CHODL: variants seen among roughly 807,000 people sequenced by gnomAD.
CHODL encodes the protein transmembrane protein MT75.
In CHODL, 29 loss-of-function variants were observed where a neutral mutation model predicts 34.5. The ratio of observed to expected loss-of-function variants is 0.84; its 90% confidence interval spans 0.63 to 1.15. The LOEUF is 1.15. Ranked by LOEUF, CHODL falls within the 50% of genes most tolerant of loss-of-function variation. The pLI is 0.00. For missense variants in CHODL, 332 were observed against 332.5 expected (o/e 1.00, Z 0.01); for synonymous variants, 125 against 116.1 (o/e 1.08, Z -0.49).
chr21:18,045,306 G>GA (rs1225544363), intron 2 of CHODL, among the ~76,000 whole-genome samples: 2 of 151,868 alleles, frequency 1.3e-5, no homozygotes, highest in Non-Finnish European at 2.9e-5. Flanking sequence ...AGCTTATTTG[G>GA]AAAAAATTAC....
intron 2 of CHODL, among the ~76,000 whole-genome samples, chr21:18,074,190 T>C (rs990936734): frequency 6.6e-6 from 1 of 152,164 alleles, no homozygotes; most frequent in African/African-American, 2.4e-5. Context: ...GGAAAAGATC[T>C]CATTTTGCCT....
At chr21:18,126,999 A>C (rs906408330) in intron 2 of CHODL, among the ~76,000 whole-genome samples, 2 of 152,208 alleles carry the variant, frequency 1.3e-5, no homozygotes, top group African/African-American at 4.8e-5. Flanking sequence ...CTTCTACTCC[A>C]ATAGACTTCT....
At chr21:17,940,597 T>G (rs1380000738) in intron 1 of CHODL, among the ~76,000 whole-genome samples, 6 of 152,212 alleles carry the variant, frequency 3.9e-5, no homozygotes, top group Non-Finnish European at 8.8e-5. Context: ...TAATAGCTTT[T>G]CTTGACCTGG....
rs77693383 is a variant in CHODL at position 18,126,051 on chromosome 21, A to G, written c.-45+98080A>G. On this transcript the variant is annotated intron_variant, in intron 2 of 6. Coordinates refer to the CHODL transcript ENST00000400127. ...AATGCAACAGTCTATAGTCCCAGCTATGCAGGAGGCTAAGGCAGAAAGATC... is the reference window on the plus strand; with the variant it reads ...AATGCAACAGTCTATAGTCCCAGCTGTGCAGGAGGCTAAGGCAGAAAGATC... 4.9e-3 allele frequency among the ~76,000 whole-genome samples: 745 copies of G among 152,342 alleles called. 1 individual carries two copies. Among genetic ancestry groups the G allele is most frequent in the African/African-American group, 0.016 (662 of 41,576 alleles).
intron 2 of CHODL, among the ~76,000 whole-genome samples, chr21:18,175,580 G>A (rs1357848485): frequency 2.6e-5 from 4 of 151,004 alleles, no homozygotes; most frequent in South Asian, 2.1e-4. Context: ...GCGACAGTGC[G>A]AGACTGTCTG....
chr21:18,250,020 T>C (rs1033796751), intron 1 of CHODL, among the ~76,000 whole-genome samples: 1 of 152,136 alleles, frequency 6.6e-6, no homozygotes, highest in Non-Finnish European at 1.5e-5. Flanking sequence ...AGGTCGTCTT[T>C]TCCCAATTTA....
chr21:17,920,983 T>A (rs1486894908), intron 1 of CHODL, among the ~76,000 whole-genome samples: 1 of 152,108 alleles, frequency 6.6e-6, no homozygotes, highest in Non-Finnish European at 1.5e-5. Context: ...ATTTCCAAGC[T>A]CCCTTGCAGT....
At chr21:18,032,875 T>C (rs2064264155) in intron 2 of CHODL, among the ~76,000 whole-genome samples, 6 of 152,024 alleles carry the variant, frequency 3.9e-5, no homozygotes, top group Admixed American at 3.9e-4. Context: ...TTGCATGGCA[T>C]TCATTCACTT....
chr21:18,175,258 G>A (rs1027920947), intron 2 of CHODL, among the ~76,000 whole-genome samples: 2 of 152,052 alleles, frequency 1.3e-5, no homozygotes, highest in African/African-American at 4.8e-5. Flanking sequence ...GTGTCTTTTT[G>A]TCTTTTTCAT....
intron 1 of CHODL, among the ~76,000 whole-genome samples, chr21:18,012,631 C>A (rs2064029956): frequency 6.6e-6 from 1 of 152,132 alleles, no homozygotes; most frequent in Non-Finnish European, 1.5e-5. Context: ...AAACAGAGTT[C>A]TATTAAGTTT....
intron 2 of CHODL, among the ~76,000 whole-genome samples, chr21:18,145,688 A>G (rs1472879010): frequency 1.3e-5 from 2 of 152,226 alleles, no homozygotes; most frequent in African/African-American, 2.4e-5. Context: ...CTAAGACTTC[A>G]TAAAGAATCT....
intron 2 of CHODL, among the ~76,000 whole-genome samples, chr21:18,238,509 C>A (rs1366980872): frequency 1.3e-5 from 2 of 152,070 alleles, no homozygotes; most frequent in African/African-American, 4.8e-5. Flanking sequence ...CAGTGGGTCC[C>A]TCCCACAACA....
chr21:18,210,889 A>G (rs1462107275), intron 2 of CHODL, among the ~76,000 whole-genome samples: 1 of 152,172 alleles, frequency 6.6e-6, no homozygotes, highest in African/African-American at 2.4e-5. Context: ...CATTCAGAAT[A>G]AAAGTTAAAG....
chr21:18,231,411 C>T (rs1173074923), intron 2 of CHODL, among the ~76,000 whole-genome samples: 1 of 152,064 alleles, frequency 6.6e-6, no homozygotes, highest in Admixed American at 6.6e-5. Context: ...CACAGCAGTG[C>T]TTCCATCTGA....
chr21:18,145,349 A>G (rs529578400), intron 2 of CHODL, among the ~76,000 whole-genome samples: 1 of 142,304 alleles, frequency 7.0e-6, no homozygotes, highest in East Asian at 2.3e-4. Flanking sequence ...AGGCAGGAGA[A>G]TGGCGTGAAC....
chr21:18,230,327 C>T (rs2073967697), intron 2 of CHODL, among the ~76,000 whole-genome samples: 1 of 152,134 alleles, frequency 6.6e-6, no homozygotes, highest in Admixed American at 6.6e-5. Context: ...ACATGGAAGA[C>T]ATAGAAGAGA....
intron 1 of CHODL, among the ~76,000 whole-genome samples, chr21:17,983,766 A>G (rs2063731974): frequency 1.3e-5 from 2 of 152,190 alleles, no homozygotes. Flanking sequence ...TAATTGATAT[A>G]ATAACCGCAC....
At chr21:18,181,576 G>T (rs908070131) in intron 2 of CHODL, among the ~76,000 whole-genome samples, 4 of 152,096 alleles carry the variant, frequency 2.6e-5, no homozygotes, top group African/African-American at 9.7e-5. Flanking sequence ...CTAATTTTTT[G>T]TATTTTTAGT....
chr21:18,256,075 C>A (rs2074311682), intron 1 of CHODL, among the ~76,000 whole-genome samples: 1 of 152,112 alleles, frequency 6.6e-6, no homozygotes, highest in Admixed American at 6.5e-5. Flanking sequence ...GTATCTTCTT[C>A]AGAACACCTT....
Sources: gnomAD v4.1 joint callset for allele counts (sites outside exome capture counted in the v4.1 genomes callset) on GRCh38, gnomAD v4.1.1 for gene constraint, MANE v1.5 for transcripts, NCBI Gene and HGNC (gene_info 2026-07-23, HGNC 2026-07-21) for gene names.